The following KCTD3 variants were observed in gnomAD, a reference collection of about 807,000 sequenced individuals.
The protein encoded by KCTD3 is potassium channel tetramerization domain containing 3.
In KCTD3, 41 loss-of-function variants were observed where a neutral mutation model predicts 85.8. The ratio of observed to expected loss-of-function variants is 0.48; its 90% CI spans 0.37 to 0.62. The LOEUF (loss-of-function observed/expected upper bound fraction) is 0.62. Ranked by LOEUF, KCTD3 falls within the 20% of genes least tolerant of loss-of-function variation. The pLI is 0.00. For synonymous variants in KCTD3, 338 were observed against 345.4 expected (o/e 0.98, Z 0.24); for missense variants, 724 against 989.9 (o/e 0.73, Z 3.60).
chr1:215,567,413 A>C lies in KCTD3; in HGVS notation c.-273A>C. ...CGGCGTCGGTGGCAGCGGAGCACGG[A>C]GAAGAGGCCCGGGCGGCCCGGCGGC... On this transcript the variant is annotated 5_prime_UTR_variant, in exon 1 of 18. Coordinates refer to ENST00000259154, the MANE Select transcript of KCTD3 (RefSeq NM_016121.5). 1 of 215,510 alleles carries C rather than the reference A, an allele frequency of 4.6e-6. No homozygotes were observed. Among genetic ancestry groups the C allele is most frequent in the African/African-American group, 2.3e-5 (1 of 43,382 alleles). 13.3% of individuals were successfully genotyped at this position (215,510 alleles called of 1,614,324 possible). A position where few individuals can be genotyped will look rare whatever the true frequency, so the allele number is the denominator to read the frequency against.
At chr1:215,595,229 C>T (rs773742961) in intron 9 of KCTD3, 127 bp from the exon 10 acceptor site, 11 of 622,806 alleles carry the variant, frequency 1.8e-5, no homozygotes, top group South Asian at 2.0e-5. Flanking sequence ...GTCCCCAACA[C>T]GTATAGCACA....
At position 215,586,700 on chromosome 1, in the gene KCTD3, G is replaced by A. The variant is rs952570240; in HGVS notation, c.817+15G>A. 1.3e-6 allele frequency: 2 copies of A among 1,589,604 alleles called. No homozygotes were observed. ...AAGTGAAATTGGTAGGAAGAATCTT[G>A]TTTATGTTGCAATTTGATGATATTA... On this transcript the variant is annotated intron_variant, in intron 9 of 17. Coordinates refer to ENST00000259154, the MANE Select transcript of KCTD3 (RefSeq NM_016121.5).
chr1:215,612,555 G>A (rs1228813913), intron 15 of KCTD3, among the ~76,000 whole-genome samples: 1 of 152,148 alleles, frequency 6.6e-6, no homozygotes, highest in African/African-American at 2.4e-5. Context: ...GGCACTGGCA[G>A]TATTCCTCTG....
Position 215,593,754 on chromosome 1 carries a change from G to A in KCTD3, c.818-1602G>A, listed in dbSNP as rs146159946. On this transcript the variant is annotated intron_variant, in intron 9 of 17. Transcript: ENST00000259154. ...ATCTACATAAAACAGTATTGTAGAG[G>A]TGAGACTTATTTCCCAGCATTATTA... Among the ~76,000 whole-genome samples the A allele has an allele frequency of 1.8e-3, 275 of 152,192 alleles. 3 individuals are homozygous for A. The highest frequency in any genetic ancestry group is 6.1e-3 in the African/African-American group (255 of 41,556).
chr1:215,573,937 C>A, intron 2 of KCTD3, 98 bp downstream of exon 2: 1 of 990,952 alleles, frequency 1.0e-6, no homozygotes, highest in Non-Finnish European at 1.5e-6. Context: ...AAAAGGTTAA[C>A]TCTTAAAATT....
At chr1:215,568,586 C>T (rs1009735650) in intron 1 of KCTD3, among the ~76,000 whole-genome samples, 2 of 146,776 alleles carry the variant, frequency 1.4e-5, no homozygotes, top group Admixed American at 7.2e-5. Flanking sequence ...TCACTCCTCT[C>T]AGAAAAGGGA....
intron 15 of KCTD3, among the ~76,000 whole-genome samples, chr1:215,615,416 T>C (rs929546845): frequency 1.7e-4 from 26 of 151,768 alleles, no homozygotes; most frequent in Non-Finnish European, 5.9e-5. Flanking sequence ...GTCAGGAGAT[T>C]GAGACCATCC....
intron 14 of KCTD3, 85 bp from the exon 15 acceptor site, chr1:215,611,740 T>A (rs544399947): frequency 1.2e-6 from 1 of 840,430 alleles, no homozygotes; most frequent in South Asian, 1.8e-5. Context: ...AATTCTTTTC[T>A]TATATTAATA....
chr1:215,577,792 A>C, intron 5 of KCTD3, 64 bp downstream of exon 5: 1 of 1,333,600 alleles, frequency 7.5e-7, no homozygotes, highest in Non-Finnish European at 1.1e-6. Context: ...GCCCTAAATG[A>C]AATGTGTTTA....
At chr1:215,611,772 G>T in intron 14 of KCTD3, 53 bp from the exon 15 acceptor site, 1 of 1,193,242 alleles carries the variant, frequency 8.4e-7, no homozygotes, top group South Asian at 1.4e-5. Context: ...TTTGTAAAAT[G>T]AGAAAAAATA....
intron 3 of KCTD3, among the ~76,000 whole-genome samples, chr1:215,574,641 T>C (rs1045280230): frequency 6.6e-6 from 1 of 152,174 alleles, no homozygotes; most frequent in Non-Finnish European, 1.5e-5. Context: ...TGGTGAGATT[T>C]GCAGATGAAA....
chr1:215,584,061 C>T (rs1659924771), intron 8 of KCTD3, among the ~76,000 whole-genome samples: 1 of 152,190 alleles, frequency 6.6e-6, no homozygotes, highest in African/African-American at 2.4e-5. Flanking sequence ...TGGAACCAAG[C>T]TGATGTGCTA....
intron 1 of KCTD3, 111 bp downstream of exon 1, chr1:215,567,879 C>T: frequency 5.5e-6 from 4 of 721,982 alleles, no homozygotes; most frequent in Non-Finnish European, 7.7e-6. Context: ...GAGGCCAAGC[C>T]TGGAGGGGAA....
chr1:215,619,603 C>T (rs1180046332), intron 17 of KCTD3, among the ~76,000 whole-genome samples: 1 of 152,160 alleles, frequency 6.6e-6, no homozygotes, highest in Non-Finnish European at 1.5e-5. Context: ...GTATGTGAAG[C>T]TTTAATTATT....
intron 10 of KCTD3, among the ~76,000 whole-genome samples, chr1:215,601,136 C>G (rs1272816587): frequency 7.0e-6 from 1 of 143,254 alleles, no homozygotes; most frequent in African/African-American, 2.9e-5. Context: ...AGGGTTTCAC[C>G]GTGTTAGCTA....
chr1:215,608,621 T>C (rs952404319), intron 14 of KCTD3, among the ~76,000 whole-genome samples: 13 of 151,946 alleles, frequency 8.6e-5, no homozygotes, highest in Non-Finnish European at 2.9e-5. Context: ...TCCTTTGATA[T>C]TCTCTGATTT....
intron 1 of KCTD3, among the ~76,000 whole-genome samples, chr1:215,568,572 T>C (rs1355855028): frequency 6.7e-6 from 1 of 148,196 alleles, no homozygotes; most frequent in Non-Finnish European, 1.5e-5. Context: ...CTATAACTTA[T>C]GAGTCACTCC....
At chr1:215,603,308 T>C (rs1654902679) in intron 12 of KCTD3, among the ~76,000 whole-genome samples, 1 of 152,184 alleles carries the variant, frequency 6.6e-6, no homozygotes, top group Admixed American at 6.5e-5. Context: ...TTTTTTCCTT[T>C]GATTCAAGTA....
chr1:215,602,234 C>T (rs767126902), intron 12 of KCTD3, 33 bp downstream of exon 12: 1 of 1,003,078 alleles, frequency 1.0e-6, no homozygotes, highest in Non-Finnish European at 1.5e-6. Flanking sequence ...ACATTCTTGA[C>T]TTTTTATCTT....
Sources: gnomAD v4.1 joint callset for allele counts (sites outside exome capture counted in the v4.1 genomes callset) on GRCh38, gnomAD v4.1.1 for gene constraint, MANE v1.5 for transcripts, NCBI Gene and HGNC (gene_info 2026-07-23, HGNC 2026-07-21) for gene names.